The following CENPF variants were observed in gnomAD, a reference collection of about 807,000 sequenced individuals.
CENPF encodes the protein centromere protein F, also known as AH antigen.
In CENPF, 214 loss-of-function variants were observed where a neutral mutation model predicts 307.3. That is an observed-to-expected ratio of 0.70 (90% CI 0.62 to 0.78). The LOEUF (loss-of-function observed/expected upper bound fraction) is 0.78. Among genes scored for constraint, CENPF ranks in the 30% least tolerant of loss-of-function variants. CENPF has a pLI of 0.00. For missense variants in CENPF, 3,401 were observed against 3,483.9 expected, an observed-to-expected ratio of 0.98 and a Z score of 0.60; for synonymous variants, 1,259 against 1,270.6, an observed-to-expected ratio of 0.99 and a Z score of 0.19.
chr1:214,649,251 T>C (rs1658397968), intron 14 of CENPF, among the ~76,000 whole-genome samples: 1 of 152,198 alleles, frequency 6.6e-6, no homozygotes, highest in Admixed American at 6.5e-5. Flanking sequence ...AGTCATAGTT[T>C]TAGGCAGGGT....
chr1:214,634,875 A>G (rs1158580236), intron 10 of CENPF, among the ~76,000 whole-genome samples: 1 of 152,252 alleles, frequency 6.6e-6, no homozygotes, highest in East Asian at 1.9e-4. Context: ...ATAATGTGAC[A>G]GTTGTACTGA....
intron 4 of CENPF, 48 bp from the exon 5 acceptor site, chr1:214,619,081 A>G: frequency 1.1e-6 from 1 of 941,358 alleles, no homozygotes; most frequent in Non-Finnish European, 1.7e-6. Flanking sequence ...GAATTCCTTC[A>G]TGGAATCAAT....
Position 214,648,796 on chromosome 1 carries a change from A to G in CENPF, c.7952A>G (p.Gln2651Arg), listed in dbSNP as rs1403501318. 1 of 1,614,010 alleles carries G rather than the reference A, an allele frequency of 6.2e-7. No homozygotes were observed. The highest frequency in any genetic ancestry group is 2.2e-5 in the East Asian group (1 of 44,874). ...GEKNRLAGEL[Q>R]LLLEEIKSSK... is the part of the protein sequence containing the mutation. The stretch of plus-strand genomic sequence containing the variant: ...AAAAATAGGCTAGCTGGAGAGTTGC[A>G]GTTACTGTTGGAAGAAATAAAGAGC... The change falls in exon 14 of 20, where the codon CAG becomes CGG. Residue 2651 changes from glutamine to arginine, a missense_variant. Transcript: ENST00000366955.
At chr1:214,660,633 T>C (rs1478726286) in intron 19 of CENPF, among the ~76,000 whole-genome samples, 1 of 152,042 alleles carries the variant, frequency 6.6e-6, no homozygotes, top group Non-Finnish European at 1.5e-5. Flanking sequence ...CTCAGAAGGG[T>C]GACTGGGAGC....
At chr1:214,652,236 T>C (rs145068927) in intron 15 of CENPF, among the ~76,000 whole-genome samples, 8,174 of 150,022 alleles carry the variant, frequency 0.054, 276 homozygotes, top group Non-Finnish European at 0.073. Flanking sequence ...GGGGTTTCAC[T>C]GTGTTAGCCA....
chr1:214,646,478 T>C lies in CENPF; in HGVS notation c.6908T>C (p.Ile2303Thr), dbSNP rs146901951. Reference sequence around the variant, plus strand: ...GAAGAGCATCAGCTGAGAAATAGCATTGAAAAGCTGAGAGCCCGCCTAGAA... The same window carrying C: ...GAAGAGCATCAGCTGAGAAATAGCACTGAAAAGCTGAGAGCCCGCCTAGAA... ...IEEEHQLRNSIEKLRARLEAD... is the reference protein window; with the variant it reads ...IEEEHQLRNSTEKLRARLEAD... Residue 2303 changes from isoleucine (I) to threonine (T), a missense_variant, in exon 13 of 20, where the codon ATT (isoleucine) becomes ACT (threonine). Coordinates refer to ENST00000366955, the MANE Select transcript of CENPF (RefSeq NM_016343.4). The C allele has an allele frequency of 2.0e-5, 33 of 1,613,978 alleles. No homozygotes were observed. The highest frequency in any genetic ancestry group is 1.9e-4 in the African/African-American group (14 of 74,904).
At chr1:214,608,490 C>T (rs1571691058) in intron 1 of CENPF, 6 of 1,612,616 alleles carry the variant, frequency 3.7e-6, no homozygotes, top group East Asian at 2.2e-5. Flanking sequence ...CATTGCTGTG[C>T]GAGAAGAGGA....
In CENPF at chr1:214,651,676, G is replaced by A. The variant is rs772315232; in HGVS notation, c.7984-34G>A. Reference sequence around the variant, plus strand: ...ATTTCCAGGTTCTTAATTATGAGGAGGTGCTATTATGATTTTATTATTTTT... The same window carrying A: ...ATTTCCAGGTTCTTAATTATGAGGAAGTGCTATTATGATTTTATTATTTTT... On this transcript the variant is annotated intron_variant, in intron 14 of 19. Coordinates refer to ENST00000366955, the MANE Select transcript of CENPF (RefSeq NM_016343.4). The A allele has an allele frequency of 8.3e-6, 12 of 1,453,856 alleles. 1 individual carries two copies. In the East Asian group the frequency reaches 2.5e-4, roughly 30 times the overall value. The allele number at this position is 1,453,856 out of a possible 1,614,324, so 90.1% of individuals were successfully genotyped here.
rs1343214202 is a variant in CENPF, at chr1:214,641,396, C to T, written c.3058C>T (p.Gln1020Ter). 4 of 1,580,304 alleles carry T rather than the reference C, an allele frequency of 2.5e-6. No homozygotes were observed. In the Admixed American group the frequency reaches 8.2e-5, roughly 32 times the overall value. The change falls in exon 12 of 20, where the codon CAA becomes TAA. Residue 1020 changes from glutamine to a stop codon, truncating the protein, a stop_gained. Coordinates refer to ENST00000366955, the MANE Select transcript of CENPF (RefSeq NM_016343.4). LOFTEE classifies it high-confidence loss of function. Reference protein sequence around the residue: ...SISELSDQYKQEKLILLQRCE... With the variant: ...SISELSDQYK ...TTCAGAGTTATCTGATCAGTACAAGCAAGAAAAACTTATTTTACTACAAAG... is the reference window on the plus strand; with the variant it reads ...TTCAGAGTTATCTGATCAGTACAAGTAAGAAAAACTTATTTTACTACAAAG...
intron 10 of CENPF, among the ~76,000 whole-genome samples, chr1:214,633,938 A>C (rs1657880113): frequency 6.6e-6 from 1 of 152,006 alleles, no homozygotes; most frequent in South Asian, 2.1e-4. Flanking sequence ...CTCTCCCGCG[A>C]CTCCACTGGC....
chr1:214,645,675 A>G lies in CENPF; in HGVS notation c.6105A>G (p.Glu2035=). The G allele has an allele frequency of 6.2e-7, 1 of 1,614,162 alleles. No homozygotes were observed. Among genetic ancestry groups the G allele is most frequent in the Non-Finnish European group, 8.5e-7 (1 of 1,180,006 alleles). ...ELLKDKTHLQ[E]KLQSLEKDSQ... Reference sequence around the variant, plus strand: ...TAAAAGACAAAACTCATCTCCAGGAAAAGCTGCAGAGTTTGGAAAAGGACT... The same window carrying G: ...TAAAAGACAAAACTCATCTCCAGGAGAAGCTGCAGAGTTTGGAAAAGGACT... Residue 2035 remains glutamate, a synonymous_variant, in exon 13 of 20, where the codon GAA becomes GAG. Transcript: ENST00000366955.
chr1:214,652,152 C>T (rs1429438757), intron 15 of CENPF, among the ~76,000 whole-genome samples: 6 of 148,402 alleles, frequency 4.0e-5, no homozygotes, highest in Admixed American at 4.0e-4. Context: ...TCTCCTACCT[C>T]AGCCTCCCGA....
chr1:214,657,457 A>G (rs753683833), intron 18 of CENPF, 48 bp downstream of exon 18: 5 of 1,374,852 alleles, frequency 3.6e-6, no homozygotes, highest in African/African-American at 1.4e-5. Flanking sequence ...TTGAAATTCC[A>G]TATAATGGTT....
At chr1:214,603,812 C>T in intron 1 of CENPF, among the ~76,000 whole-genome samples, 1 of 148,088 alleles carries the variant, frequency 6.8e-6, no homozygotes, top group East Asian at 1.9e-4. Flanking sequence ...TCTCTTCTTC[C>T]TCCCGTCCAC....
Position 214,640,313 on chromosome 1 carries a change from C to T in CENPF, c.1975C>T (p.His659Tyr). The change falls in exon 12 of 20, where the codon CAT becomes TAT. Residue 659 changes from histidine (H) to tyrosine (Y), a missense_variant. Transcript: ENST00000366955. ...TCLKTQQIKS[H>Y]EYNERVRTLE... ...TCTGAAGACACAGCAAATAAAAAGTCATGAATACAACGAGAGAGTAAGAAC... is the reference window on the plus strand; with the variant it reads ...TCTGAAGACACAGCAAATAAAAAGTTATGAATACAACGAGAGAGTAAGAAC... 6.2e-7 allele frequency: 1 copy of T among 1,613,902 alleles called. No individual in the cohort carries two copies. The highest frequency in any genetic ancestry group is 8.5e-7 in the Non-Finnish European group (1 of 1,179,972).
At chr1:214,605,456 TAAA>T in intron 1 of CENPF, 1 of 516,690 alleles carries the variant, frequency 1.9e-6, no homozygotes, top group Non-Finnish European at 3.4e-6. Flanking sequence ...TTTTTTTTTT[TAAA>T]TTTTAAATCT....
In CENPF at chr1:214,657,346, C is replaced by T. The variant is rs768646652; in HGVS notation, c.8899C>T (p.Pro2967Ser). ...GAAAGCAGTCATGAGTGGTATTCAC[C>T]CTGCAGAAGACACGGAAGGTACTGA... Reference protein sequence around the residue: ...SKKAVMSGIHPAEDTEGTEFE... With the variant: ...SKKAVMSGIHSAEDTEGTEFE... The change falls in exon 18 of 20, where the codon CCT becomes TCT. Residue 2967 changes from proline (P) to serine (S), a missense_variant. Coordinates refer to ENST00000366955, the MANE Select transcript of CENPF (RefSeq NM_016343.4). 1 of 1,613,196 alleles carries T rather than the reference C, an allele frequency of 6.2e-7. No individual in the cohort carries two copies. The highest frequency in any genetic ancestry group is 1.1e-5 in the South Asian group (1 of 91,064).
In CENPF at chr1:214,619,191, G is replaced by T; in HGVS notation, c.544G>T (p.Glu182Ter). The T allele has an allele frequency of 1.3e-6, 2 of 1,585,978 alleles. No individual in the cohort carries two copies. The highest frequency in any genetic ancestry group is 1.7e-6 in the Non-Finnish European group (2 of 1,157,306). Residue 182 changes from glutamate to a stop codon, truncating the protein, a stop_gained, in exon 5 of 20, where the codon GAG becomes TAG. Transcript: ENST00000366955. LOFTEE classifies it high-confidence loss of function. The part of the protein sequence containing the change: ...NKEVEERKRL[E>*]AEVKALQAKK... ...AGAGGTTGAAGAACGAAAAAGATTA[G>T]AGGCAGAGGTTAAAGCCTTGCAGGC...
Position 214,645,950 on chromosome 1 carries a change from G to T in CENPF, c.6380G>T (p.Arg2127Leu), listed in dbSNP as rs776162995. ...LRRGIEKLRVRIEADEKKQLH... is the reference protein window; with the variant it reads ...LRRGIEKLRVLIEADEKKQLH... Reference sequence around the variant, plus strand: ...AGAGGCATCGAGAAACTGAGAGTTCGCATTGAGGCCGATGAAAAGAAGCAG... The same window carrying T: ...AGAGGCATCGAGAAACTGAGAGTTCTCATTGAGGCCGATGAAAAGAAGCAG... The change falls in exon 13 of 20, where the codon CGC becomes CTC. Residue 2127 changes from arginine (R) to leucine (L), a missense_variant. Arg to Leu is a moderately radical substitution (Grantham distance 102, BLOSUM62 -2). Transcript: ENST00000366955. 1.1e-5 allele frequency: 18 copies of T among 1,613,994 alleles called. No individual in the cohort carries two copies.
Sources: gnomAD v4.1 joint callset for allele counts (sites outside exome capture counted in the v4.1 genomes callset) on GRCh38, gnomAD v4.1.1 for gene constraint, MANE v1.5 for transcripts, NCBI Gene and HGNC (gene_info 2026-07-23, HGNC 2026-07-21) for gene names.